The following UPF3A variants were observed in gnomAD, a reference collection of about 807,000 sequenced individuals.
The protein encoded by UPF3A is regulator of nonsense transcripts 3A.
Under a neutral mutation model 53.5 loss-of-function variants are expected in UPF3A, and 42 were observed. That is an observed-to-expected ratio of 0.78 (90% CI 0.61 to 1.01). The LOEUF is 1.01. Ranked by LOEUF, UPF3A falls within the 50% of genes least tolerant of loss-of-function variation. The pLI is 0.00. For synonymous variants in UPF3A, 237 were observed against 225.3 expected (o/e 1.05, Z -0.47); for missense variants, 575 against 598.0 (o/e 0.96, Z 0.40).
intron 7 of UPF3A, among the ~76,000 whole-genome samples, chr13:114,294,276 G>T (rs895274921): frequency 2.6e-5 from 4 of 150,972 alleles, no homozygotes; most frequent in Admixed American, 6.6e-5. Flanking sequence ...GTTTTGGTGG[G>T]GGGGGGGTTT....
At chr13:114,294,278 G>A (rs1456592467) in intron 7 of UPF3A, among the ~76,000 whole-genome samples, 1 of 150,950 alleles carries the variant, frequency 6.6e-6, no homozygotes, top group Non-Finnish European at 1.5e-5. Flanking sequence ...TTTGGTGGGG[G>A]GGGGGTTTGA....
intron 7 of UPF3A, 38 bp downstream of exon 7, chr13:114,291,830 C>G: frequency 1.3e-6 from 2 of 1,557,710 alleles, no homozygotes; most frequent in Non-Finnish European, 1.7e-6. Flanking sequence ...CCAAAAATAG[C>G]TCTGCTATAG....
At chr13:114,283,136 C>T in intron 3 of UPF3A, 193 bp downstream of exon 3, 1 of 485,010 alleles carries the variant, frequency 2.1e-6, no homozygotes, top group Non-Finnish European at 3.6e-6. Flanking sequence ...ATCCTCCAGC[C>T]TCCTAGGTAG....
In UPF3A at chr13:114,305,135, A is replaced by G. The variant is rs2086921336; in HGVS notation, c.*218A>G. Reference sequence around the variant, plus strand: ...TCTCACAGATTTTACCATTCCTGTTATAAACTAGTATTTGTTGTTTAGCCA... The same window carrying G: ...TCTCACAGATTTTACCATTCCTGTTGTAAACTAGTATTTGTTGTTTAGCCA... On this transcript the variant is annotated 3_prime_UTR_variant, in exon 10 of 10. Coordinates refer to ENST00000375299, the MANE Select transcript of UPF3A (RefSeq NM_023011.4). 5 of 510,406 alleles carry G rather than the reference A, an allele frequency of 9.8e-6. No individual in the cohort carries two copies. The highest frequency in any genetic ancestry group is 1.8e-5 in the Non-Finnish European group (5 of 280,886). 31.6% of individuals were successfully genotyped at this position (510,406 alleles called of 1,614,324 possible).
chr13:114,298,811 G>T, intron 7 of UPF3A, 29 bp from the exon 8 acceptor site: 1 of 1,510,478 alleles, frequency 6.6e-7, no homozygotes, highest in South Asian at 1.3e-5. Flanking sequence ...CTCTCAAGGT[G>T]ATACTTTACT....
chr13:114,287,360 G>C (rs1292979688), intron 5 of UPF3A: 1 of 152,254 alleles, frequency 6.6e-6, no homozygotes, highest in African/African-American at 2.4e-5. Flanking sequence ...GGGAGGCCAG[G>C]GTGGGCGGAT....
chr13:114,305,482 A>G lies in UPF3A; in HGVS notation c.*565A>G, dbSNP rs2086940444. The stretch of plus-strand genomic sequence containing the variant: ...TATATAAAACCCAACAGCTTCAACT[A>G]TTGCCCTTTCAACAGTTTTGCCACT... On this transcript the variant is annotated 3_prime_UTR_variant, in exon 10 of 10. Coordinates refer to ENST00000375299, the MANE Select transcript of UPF3A (RefSeq NM_023011.4). The G allele has an allele frequency of 6.3e-6, 1 of 159,310 alleles. No individual in the cohort carries two copies. The highest frequency in any genetic ancestry group is 1.7e-4 in the South Asian group (1 of 5,742). 9.9% of individuals were successfully genotyped at this position (159,310 alleles called of 1,614,324 possible).
chr13:114,289,009 C>T (rs1042748942), intron 5 of UPF3A, among the ~76,000 whole-genome samples: 5 of 151,994 alleles, frequency 3.3e-5, no homozygotes, highest in African/African-American at 9.7e-5. Context: ...TGAGACATAC[C>T]TTTTTGGGGC....
At chr13:114,297,453 T>C (rs571239977) in intron 7 of UPF3A, among the ~76,000 whole-genome samples, 58 of 152,334 alleles carry the variant, frequency 3.8e-4, no homozygotes, top group Admixed American at 5.9e-4. Flanking sequence ...TTTTCCTTAT[T>C]ACAAAACTAA....
chr13:114,281,921 G>C, intron 1 of UPF3A, 75 bp downstream of exon 1: 1 of 1,048,344 alleles, frequency 9.5e-7, no homozygotes. Context: ...AGGGAGGGGA[G>C]GGAGGGGCGG....
chr13:114,288,796 C>A (rs777235508), intron 5 of UPF3A, among the ~76,000 whole-genome samples: 6 of 152,070 alleles, frequency 3.9e-5, no homozygotes, highest in Non-Finnish European at 7.4e-5. Context: ...TGGATTGTGG[C>A]ACCATTATAC....
chr13:114,284,152 A>G (rs1008213143), intron 3 of UPF3A: 1 of 798,956 alleles, frequency 1.3e-6, no homozygotes, highest in African/African-American at 1.9e-5. Flanking sequence ...TCACGAGGTC[A>G]GGAGTTCGAG....
chr13:114,282,361 G>C, intron 2 of UPF3A: 1 of 1,086,800 alleles, frequency 9.2e-7, no homozygotes, highest in South Asian at 1.9e-5. Flanking sequence ...GACGGCTAAC[G>C]CTTAGGAAAG....
At chr13:114,290,031 C>T (rs968922188) in intron 5 of UPF3A, among the ~76,000 whole-genome samples, 1 of 152,124 alleles carries the variant, frequency 6.6e-6, no homozygotes, top group African/African-American at 2.4e-5. Flanking sequence ...GATAATTTGC[C>T]CATTACAAAG....
At chr13:114,288,158 G>C (rs1005977423) in intron 5 of UPF3A, among the ~76,000 whole-genome samples, 2 of 152,248 alleles carry the variant, frequency 1.3e-5, no homozygotes, top group East Asian at 3.8e-4. Context: ...GCTGCATGCT[G>C]CCTGGGCACT....
rs3993412 is a variant in UPF3A, at chr13:114,301,818, C to T, written c.1095C>T (p.Asp365=). 6.5e-5 allele frequency: 105 copies of T among 1,613,638 alleles called. No individual in the cohort carries two copies. The highest frequency in any genetic ancestry group is 8.1e-5 in the Non-Finnish European group (95 of 1,179,896). Residue 365 remains aspartate (D), a synonymous_variant, in exon 9 of 10, where the codon GAC becomes GAT. Transcript: ENST00000375299. ...ESEAQRYHVD[D]GRRHRAHHEP... ...AAGCACAAAGATACCATGTGGATGACGGCAGGAGGCACAGAGCTCACCACG... is the reference window on the plus strand; with the variant it reads ...AAGCACAAAGATACCATGTGGATGATGGCAGGAGGCACAGAGCTCACCACG...
intron 5 of UPF3A, 99 bp from the exon 6 acceptor site, chr13:114,291,390 T>G (rs1303890582): frequency 1.7e-6 from 2 of 1,152,370 alleles, no homozygotes; most frequent in Non-Finnish European, 2.4e-6. Context: ...AGTAATGATA[T>G]GGTTCCCGTA....
intron 5 of UPF3A, among the ~76,000 whole-genome samples, chr13:114,290,740 T>C (rs887293452): frequency 4.0e-5 from 6 of 150,898 alleles, no homozygotes; most frequent in Non-Finnish European, 1.5e-5. Flanking sequence ...TTTTCTTTTT[T>C]TTTTTTTTTT....
chr13:114,296,960 G>T (rs964446661), intron 7 of UPF3A, among the ~76,000 whole-genome samples: 1 of 152,210 alleles, frequency 6.6e-6, no homozygotes, highest in Non-Finnish European at 1.5e-5. Flanking sequence ...AAGATGGGCA[G>T]TTACCAGAAA....
Sources: gnomAD v4.1 joint callset for allele counts (sites outside exome capture counted in the v4.1 genomes callset) on GRCh38, gnomAD v4.1.1 for gene constraint, MANE v1.5 for transcripts, NCBI Gene and HGNC (gene_info 2026-07-23, HGNC 2026-07-21) for gene names.